PPFIA2: variants seen among roughly 807,000 people sequenced by gnomAD.
The protein encoded by PPFIA2 is liprin-alpha-2.
Under a neutral mutation model 175.5 loss-of-function variants are expected in PPFIA2, and 46 were observed. The ratio of observed to expected loss-of-function variants is 0.26; its 90% CI spans 0.21 to 0.34. PPFIA2 has a LOEUF of 0.34. Ranked by LOEUF, PPFIA2 falls within the 10% of genes least tolerant of loss-of-function variation. PPFIA2 has a pLI of 1.00. For missense variants in PPFIA2, 1,179 were observed against 1,506.1 expected (o/e 0.78, Z 3.60); for synonymous variants, 568 against 511.4 (o/e 1.11, Z -1.49).
chr12:81,278,523 G>C (rs1259757749), intron 27 of PPFIA2, among the ~76,000 whole-genome samples: 1 of 139,138 alleles, frequency 7.2e-6, no homozygotes, highest in East Asian at 2.1e-4. Flanking sequence ...CTGGGCAACA[G>C]AGTGAGACTC....
At chr12:81,277,900 T>C (rs971345786) in intron 27 of PPFIA2, among the ~76,000 whole-genome samples, 1 of 152,160 alleles carries the variant, frequency 6.6e-6, no homozygotes, top group African/African-American at 2.4e-5. Flanking sequence ...CTCTAAATGA[T>C]ACAGAAGTAT....
intron 7 of PPFIA2, among the ~76,000 whole-genome samples, chr12:81,422,745 G>T (rs973548444): frequency 6.6e-6 from 1 of 151,906 alleles, no homozygotes; most frequent in Non-Finnish European, 1.5e-5. Flanking sequence ...CCCACAACAC[G>T]TGGGAATTCA....
At chr12:81,335,537 G>T (rs2056969871) in intron 21 of PPFIA2, among the ~76,000 whole-genome samples, 1 of 152,088 alleles carries the variant, frequency 6.6e-6, no homozygotes, top group Non-Finnish European at 1.5e-5. Context: ...GAGGTCAGGA[G>T]TTAAGAGACC....
intron 4 of PPFIA2, among the ~76,000 whole-genome samples, chr12:81,516,014 TTA>T (rs1257462742): frequency 6.6e-6 from 1 of 152,012 alleles, no homozygotes; most frequent in Non-Finnish European, 1.5e-5. Context: ...TTTAAAGATA[TTA>T]TATTTTTTCC....
At position 81,286,681 on chromosome 12, in the gene PPFIA2, G is replaced by C. The variant is rs559013779; in HGVS notation, c.2926-2378C>G. Among the ~76,000 whole-genome samples, 17 of 152,054 alleles carry C rather than the reference G, an allele frequency of 1.1e-4. No individual in the cohort carries two copies. The South Asian group carries it at 2.7e-3, about 24-fold the overall frequency. On this transcript the variant is annotated intron_variant, in intron 24 of 32. Transcript: ENST00000549396. ...CATATATCTGCATTAAGTGATATTT[G>C]ATTGTATATATACTTAAGTAACAAA... is the stretch of plus-strand genomic sequence containing the variant.
chr12:81,460,236 TGTGA>T (rs1320387420), intron 4 of PPFIA2, among the ~76,000 whole-genome samples: 1 of 152,046 alleles, frequency 6.6e-6, no homozygotes, highest in Non-Finnish European at 1.5e-5. Context: ...CTTTCCTGAT[TGTGA>T]GTAAGTTTGA....
At chr12:81,745,703 C>A (rs1020795933) in intron 3 of PPFIA2, among the ~76,000 whole-genome samples, 6 of 152,188 alleles carry the variant, frequency 3.9e-5, no homozygotes, top group Non-Finnish European at 7.3e-5. Flanking sequence ...ACATTGCCAA[C>A]CTTTTTCTTG....
intron 25 of PPFIA2, among the ~76,000 whole-genome samples, chr12:81,283,880 A>G (rs2042657560): frequency 6.6e-6 from 1 of 152,084 alleles, no homozygotes; most frequent in Non-Finnish European, 1.5e-5. Context: ...TGAATATTCA[A>G]TCTAATCTTT....
intron 24 of PPFIA2, among the ~76,000 whole-genome samples, chr12:81,286,658 T>C (rs2043499358): frequency 6.6e-6 from 1 of 152,044 alleles, no homozygotes; most frequent in South Asian, 2.1e-4. Context: ...TCTCAGAACA[T>C]ATATCTGCAT....
At chr12:81,728,762 T>C (rs1382218880) in intron 3 of PPFIA2, among the ~76,000 whole-genome samples, 2 of 151,386 alleles carry the variant, frequency 1.3e-5, no homozygotes, top group Non-Finnish European at 1.5e-5. Flanking sequence ...AGCAGTTGAA[T>C]TTGATAACCC....
intron 4 of PPFIA2, among the ~76,000 whole-genome samples, chr12:81,590,335 A>T (rs2058528124): frequency 6.6e-6 from 1 of 152,152 alleles, no homozygotes; most frequent in Admixed American, 6.6e-5. Flanking sequence ...GCAGACTCTT[A>T]GGTAGCAACA....
At chr12:81,352,467 C>T (rs561171688) in intron 17 of PPFIA2, among the ~76,000 whole-genome samples, 3 of 151,700 alleles carry the variant, frequency 2.0e-5, no homozygotes, top group Non-Finnish European at 4.4e-5. Flanking sequence ...CTTTCTGCCT[C>T]CCACTGCCTG....
At chr12:81,640,070 G>A (rs1350361702) in intron 4 of PPFIA2, among the ~76,000 whole-genome samples, 1 of 152,092 alleles carries the variant, frequency 6.6e-6, no homozygotes, top group African/African-American at 2.4e-5. Context: ...AAACTTAGCT[G>A]TATTTAATGA....
intron 2 of PPFIA2, among the ~76,000 whole-genome samples, chr12:81,754,899 T>C (rs980436143): frequency 6.6e-6 from 1 of 152,204 alleles, no homozygotes; most frequent in African/African-American, 2.4e-5. Context: ...CTACGTGGTC[T>C]ACCCAGAGCA....
intron 11 of PPFIA2, among the ~76,000 whole-genome samples, chr12:81,370,376 T>C (rs1047911116): frequency 2.0e-5 from 3 of 151,794 alleles, no homozygotes; most frequent in Non-Finnish European, 4.4e-5. Context: ...CTCAGATACT[T>C]GGTCTCAAAT....
At chr12:81,678,452 T>C (rs1401953432) in intron 3 of PPFIA2, among the ~76,000 whole-genome samples, 2 of 152,000 alleles carry the variant, frequency 1.3e-5, no homozygotes, top group South Asian at 2.1e-4. Flanking sequence ...ACTGTTTCTA[T>C]CTGAAATGCT....
At chr12:81,696,282 C>T (rs1340381072) in intron 3 of PPFIA2, among the ~76,000 whole-genome samples, 2 of 152,124 alleles carry the variant, frequency 1.3e-5, no homozygotes, top group Non-Finnish European at 2.9e-5. Flanking sequence ...CAGTGAAATA[C>T]TGACTTGATG....
intron 3 of PPFIA2, among the ~76,000 whole-genome samples, chr12:81,707,193 T>C (rs1023746210): frequency 2.3e-4 from 34 of 148,816 alleles, no homozygotes; most frequent in South Asian, 1.7e-3. Context: ...AACTAAAGAG[T>C]TTCTGCACAG....
In PPFIA2 at chr12:81,712,932, A is replaced by G. The variant is rs2078134966; in HGVS notation, c.250-36088T>C. On this transcript the variant is annotated intron_variant, in intron 3 of 32. Coordinates refer to ENST00000549396, the MANE Select transcript of PPFIA2 (RefSeq NM_003625.5). ...GACTAGAGTCTCACTAAATAATGAA[A>G]GCTTGCTTTATTTTATAAGTTAACT... Among the ~76,000 whole-genome samples, 2 of 151,246 alleles carry G rather than the reference A, an allele frequency of 1.3e-5. 1 individual carries two copies. Among genetic ancestry groups the G allele is most frequent in the Admixed American group, 1.4e-4 (2 of 14,774 alleles).
Sources: allele counts gnomAD v4.1 joint callset (sites outside exome capture counted in the v4.1 genomes callset), GRCh38; gene constraint gnomAD v4.1.1; transcripts MANE v1.5; gene names NCBI Gene and HGNC (gene_info 2026-07-23, HGNC 2026-07-21).